Variants in BANK1 observed in about 807,000 individuals in gnomAD.
BANK1 encodes the protein B cell scaffold protein with ankyrin repeats 1.
BANK1 carries 95 observed loss-of-function variants against 94.5 expected under a neutral mutation model. The ratio of observed to expected loss-of-function variants is 1.00; its 90% CI spans 0.85 to 1.19. The LOEUF (loss-of-function observed/expected upper bound fraction) is 1.19. Ranked by LOEUF, BANK1 falls within the 50% of genes most tolerant of loss-of-function variation. BANK1 has a pLI of 0.00. For missense variants in BANK1, 987 were observed against 932.2 expected, an observed-to-expected ratio of 1.06 and a Z score of -0.77; for synonymous variants, 334 against 308.4, an observed-to-expected ratio of 1.08 and a Z score of -0.87.
At position 101,940,280 on chromosome 4, in the gene BANK1, GT is replaced by G. The variant is rs920948136; in HGVS notation, c.1206+22097del. ...AAAAAACAGATTCGAAAGTCATTAA[GT>G]TTTTTAAAAATCAACTTAGTATTTT... On this transcript the variant is annotated intron_variant, in intron 7 of 16. Transcript: ENST00000322953. Among the ~76,000 whole-genome samples the G allele has an allele frequency of 1.3e-4, 19 of 150,820 alleles. No individual in the cohort carries two copies. In the East Asian group the frequency reaches 1.8e-3, roughly 14 times the overall value.
At chr4:102,017,481 C>G (rs1477139277) in intron 7 of BANK1, among the ~76,000 whole-genome samples, 2 of 152,104 alleles carry the variant, frequency 1.3e-5, no homozygotes, top group East Asian at 3.9e-4. Context: ...GGGTCACCAC[C>G]ACCAGAGGTC....
chr4:101,826,435 AG>A (rs1463352679), intron 1 of BANK1, among the ~76,000 whole-genome samples: 1 of 152,032 alleles, frequency 6.6e-6, no homozygotes, highest in Non-Finnish European at 1.5e-5. Context: ...TAAATGAAAC[AG>A]CATGTGTGAA....
At chr4:101,861,101 C>A (rs1727858533) in intron 3 of BANK1, among the ~76,000 whole-genome samples, 1 of 151,650 alleles carries the variant, frequency 6.6e-6, no homozygotes, top group South Asian at 2.1e-4. Flanking sequence ...GGGGCAAGAG[C>A]AACAAGTGGA....
intron 1 of BANK1, among the ~76,000 whole-genome samples, chr4:101,812,414 T>C (rs1725757928): frequency 6.6e-6 from 1 of 151,950 alleles, no homozygotes; most frequent in African/African-American, 2.4e-5. Context: ...AGGGAAACAT[T>C]TAATATTTGG....
At chr4:102,041,629 AT>A (rs1313883538) in intron 10 of BANK1, among the ~76,000 whole-genome samples, 3 of 152,032 alleles carry the variant, frequency 2.0e-5, no homozygotes, top group Non-Finnish European at 2.9e-5. Flanking sequence ...AACTCTGGGC[AT>A]GACCTACTAC....
intron 7 of BANK1, among the ~76,000 whole-genome samples, chr4:101,985,772 C>G (rs1725465000): frequency 6.6e-6 from 1 of 152,012 alleles, no homozygotes; most frequent in African/African-American, 2.4e-5. Flanking sequence ...AATCTACATT[C>G]AACATCTAAT....
chr4:101,830,974 C>T (rs1178598570), intron 2 of BANK1, among the ~76,000 whole-genome samples: 1 of 152,164 alleles, frequency 6.6e-6, no homozygotes, highest in East Asian at 1.9e-4. Flanking sequence ...CTGGGAATGT[C>T]TCTCTTGCAG....
intron 7 of BANK1, among the ~76,000 whole-genome samples, chr4:101,970,806 G>C (rs1724927488): frequency 1.3e-5 from 2 of 152,000 alleles, no homozygotes; most frequent in African/African-American, 2.4e-5. Flanking sequence ...AGTAGAATCT[G>C]GTTTTATGTT....
intron 1 of BANK1, among the ~76,000 whole-genome samples, chr4:101,820,021 C>T (rs567000838): frequency 4.7e-4 from 72 of 152,308 alleles, no homozygotes; most frequent in African/African-American, 1.7e-3. Flanking sequence ...GACTCCTGCT[C>T]TATGTCATAG....
chr4:101,796,680 T>C (rs552904009), intron 1 of BANK1, among the ~76,000 whole-genome samples: 3 of 152,282 alleles, frequency 2.0e-5, no homozygotes, highest in Non-Finnish European at 2.9e-5. Context: ...TGTTAAAAGG[T>C]TTAGAGCTTT....
intron 4 of BANK1, among the ~76,000 whole-genome samples, chr4:101,866,171 G>A (rs1728061077): frequency 6.6e-6 from 1 of 151,934 alleles, no homozygotes; most frequent in Admixed American, 6.6e-5. Flanking sequence ...AGAATCAACA[G>A]GAAATTCTAG....
intron 14 of BANK1, 151 bp from the exon 15 acceptor site, chr4:102,072,194 G>T: frequency 1.6e-6 from 1 of 641,994 alleles, no homozygotes; most frequent in African/African-American, 1.9e-5. Context: ...TGCCAAGGGT[G>T]CCTTTTCGGT....
At chr4:102,011,371 A>G (rs907033634) in intron 7 of BANK1, among the ~76,000 whole-genome samples, 3 of 152,220 alleles carry the variant, frequency 2.0e-5, no homozygotes, top group Non-Finnish European at 4.4e-5. Flanking sequence ...AGTGACCGAA[A>G]TCTACCTAAT....
At chr4:101,834,210 T>C (rs1016367367) in intron 2 of BANK1, among the ~76,000 whole-genome samples, 2 of 152,204 alleles carry the variant, frequency 1.3e-5, no homozygotes, top group African/African-American at 2.4e-5. Flanking sequence ...TCAAATTATA[T>C]TTCTATTCAT....
At chr4:102,025,031 C>T (rs995747912) in intron 8 of BANK1, among the ~76,000 whole-genome samples, 170 bp from the exon 9 acceptor site, 2 of 151,940 alleles carry the variant, frequency 1.3e-5, no homozygotes, top group South Asian at 2.1e-4. Flanking sequence ...ATTTTAAAAA[C>T]CCAGAAATAA....
intron 1 of BANK1, among the ~76,000 whole-genome samples, chr4:101,791,410 G>A (rs144790225): frequency 4.6e-5 from 7 of 152,306 alleles, no homozygotes; most frequent in Non-Finnish European, 8.8e-5. Flanking sequence ...TGGTGAATTG[G>A]TAGCCCTGCT....
chr4:101,811,955 A>T (rs1252305275), intron 1 of BANK1, among the ~76,000 whole-genome samples: 1 of 152,062 alleles, frequency 6.6e-6, no homozygotes, highest in Non-Finnish European at 1.5e-5. Flanking sequence ...TATCTCTTAA[A>T]GTCTGAAAAA....
At chr4:101,920,829 A>G (rs1487805056) in intron 7 of BANK1, among the ~76,000 whole-genome samples, 1 of 151,974 alleles carries the variant, frequency 6.6e-6, no homozygotes, top group Admixed American at 6.6e-5. Flanking sequence ...GAAAAAAGAA[A>G]TTATGATTTT....
chr4:102,060,949 A>G (rs1024041419), intron 12 of BANK1, among the ~76,000 whole-genome samples: 1 of 152,202 alleles, frequency 6.6e-6, no homozygotes, highest in Non-Finnish European at 1.5e-5. Context: ...TTCTGAGATG[A>G]GAATGAAAAC....
Sources: allele counts gnomAD v4.1 joint callset (sites outside exome capture counted in the v4.1 genomes callset), GRCh38; gene constraint gnomAD v4.1.1; transcripts MANE v1.5; gene names NCBI Gene and HGNC (gene_info 2026-07-23, HGNC 2026-07-21).